Variants in FTO observed in about 807,000 individuals in gnomAD.
FTO encodes FTO alpha-ketoglutarate dependent dioxygenase, also known as alpha-ketoglutarate-dependent dioxygenase FTO.
In FTO, 47 loss-of-function variants were observed where a neutral mutation model predicts 63.9. The observed-to-expected ratio is 0.74, with a 90% CI of 0.58 to 0.94. The LOEUF (loss-of-function observed/expected upper bound fraction) is 0.94, where lower values mean the gene tolerates loss of function less well. Ranked by LOEUF, FTO falls within the 40% of genes least tolerant of loss-of-function variation. FTO has a pLI of 0.00. For synonymous variants in FTO, 207 were observed against 224.4 expected, an observed-to-expected ratio of 0.92 and a Z score of 0.69; for missense variants, 562 against 618.1, an observed-to-expected ratio of 0.91 and a Z score of 0.96.
At chr16:53,902,830 G>A (rs1419322799) in intron 7 of FTO, among the ~76,000 whole-genome samples, 1 of 152,192 alleles carries the variant, frequency 6.6e-6, no homozygotes, top group South Asian at 2.1e-4. Context: ...AGTTATCAAC[G>A]TGGCCGGGCA....
rs906646706 is a variant in FTO, at chr16:53,880,963, A to G, written c.1119+976A>G. Among the ~76,000 whole-genome samples the G allele has an allele frequency of 9.0e-4, 117 of 130,566 alleles. 2 individuals carry two copies. The highest frequency in any genetic ancestry group is 3.1e-4 in the Non-Finnish European group (19 of 60,676). The allele number at this position is 130,566 out of a possible 152,430, so 85.7% of individuals were successfully genotyped here. On this transcript the variant is annotated intron_variant, in intron 6 of 8. Coordinates refer to ENST00000471389, the MANE Select transcript of FTO (RefSeq NM_001080432.3). The stretch of plus-strand genomic sequence containing the variant: ...AAAAAAAAAAAAAAAAAAAAAAAAA[A>G]TACAAAAAATTAGCTGGGCATGGTG...
rs1203776934 is a variant in FTO at position 53,826,048 on chromosome 16, G to A, written c.308G>A (p.Gly103Asp). 1 of 1,614,080 alleles carries A rather than the reference G, an allele frequency of 6.2e-7. No homozygotes were observed. ...PVSRILIGNPGCTYKYLNTRL... is the reference protein window; with the variant it reads ...PVSRILIGNPDCTYKYLNTRL... ...TCTCGCATCCTCATTGGTAATCCAGGCTGCACCTACAAGTACCTGAACACC... is the reference window on the plus strand; with the variant it reads ...TCTCGCATCCTCATTGGTAATCCAGACTGCACCTACAAGTACCTGAACACC... Residue 103 changes from glycine (G) to aspartate (D), a missense_variant, in exon 3 of 9, where the codon GGC (glycine) becomes GAC (aspartate). Gly to Asp is a moderately conservative substitution (Grantham distance 94). Transcript: ENST00000471389.
intron 1 of FTO, among the ~76,000 whole-genome samples, chr16:53,792,151 A>G (rs2077939442): frequency 6.6e-6 from 1 of 152,236 alleles, no homozygotes; most frequent in South Asian, 2.1e-4. Context: ...AGAATGGATA[A>G]ATGGAAACAA....
intron 2 of FTO, among the ~76,000 whole-genome samples, chr16:53,825,466 A>C (rs1390540211): frequency 6.6e-6 from 1 of 152,242 alleles, no homozygotes; most frequent in Non-Finnish European, 1.5e-5. Flanking sequence ...AAATGAGCTA[A>C]TGCACACAAG....
rs137986509 is a variant in FTO, at chr16:53,710,477, C to T, written c.45+6248C>T. ...GATGGGTTTCACCATGTTGGCCAGC[C>T]TGATCTCGAACTCCTGACCTCGTGA... On this transcript the variant is annotated intron_variant, in intron 1 of 8. Transcript: ENST00000471389. 1.3e-4 allele frequency among the ~76,000 whole-genome samples: 20 copies of T among 152,122 alleles called. No homozygotes were observed. In the East Asian group the frequency reaches 3.9e-3, roughly 29 times the overall value.
chr16:53,871,943 T>A (rs2080510701), intron 4 of FTO, among the ~76,000 whole-genome samples: 1 of 152,098 alleles, frequency 6.6e-6, no homozygotes, highest in Admixed American at 6.5e-5. Flanking sequence ...GCCAGGCTGG[T>A]CTCGAACTCC....
At chr16:53,961,454 T>C (rs370070558) in intron 8 of FTO, among the ~76,000 whole-genome samples, 78 of 152,348 alleles carry the variant, frequency 5.1e-4, no homozygotes, top group African/African-American at 1.8e-3. Flanking sequence ...TTCTTTATGG[T>C]AATTGCTGTC....
At chr16:53,864,323 A>G (rs2080250683) in intron 4 of FTO, among the ~76,000 whole-genome samples, 1 of 152,190 alleles carries the variant, frequency 6.6e-6, no homozygotes, top group African/African-American at 2.4e-5. Flanking sequence ...AATGTACGTG[A>G]CAGCAAACCC....
At chr16:53,906,676 C>A (rs2081547729) in intron 7 of FTO, among the ~76,000 whole-genome samples, 1 of 152,096 alleles carries the variant, frequency 6.6e-6, no homozygotes, top group South Asian at 2.1e-4. Flanking sequence ...GGAGGATGGA[C>A]ATGAGAAAAG....
At position 53,954,192 on chromosome 16, in the gene FTO, T is replaced by G. The variant is rs1383534580; in HGVS notation, c.1364+20083T>G. On this transcript the variant is annotated intron_variant, in intron 8 of 8. Transcript: ENST00000471389. ...ACAAGGGGAAAAGGGGAAAGGTGGA[T>G]CTATTTAAGCACATCTCGAGAATGA... Among the ~76,000 whole-genome samples the G allele has an allele frequency of 4.6e-5, 7 of 152,214 alleles. No individual in the cohort carries two copies. The East Asian group carries it at 9.6e-4, about 21-fold the overall frequency.
chr16:53,797,069 C>T, intron 1 of FTO, among the ~76,000 whole-genome samples: 1 of 152,242 alleles, frequency 6.6e-6, no homozygotes, highest in South Asian at 2.1e-4. Flanking sequence ...CTCTCTCTTT[C>T]TCTCTCCCTT....
intron 7 of FTO, among the ~76,000 whole-genome samples, chr16:53,916,520 G>A (rs142294385): frequency 2.6e-5 from 4 of 152,308 alleles, no homozygotes; most frequent in Non-Finnish European, 5.9e-5. Flanking sequence ...TAGATGGTCC[G>A]TAAATCACGT....
intron 3 of FTO, among the ~76,000 whole-genome samples, chr16:53,828,449 C>T (rs1364738169): frequency 3.3e-5 from 5 of 152,062 alleles, no homozygotes; most frequent in African/African-American, 4.8e-5. Context: ...TCTCATGATC[C>T]GCCCACCTCG....
chr16:53,912,779 G>A (rs972007371), intron 7 of FTO, among the ~76,000 whole-genome samples: 8 of 152,206 alleles, frequency 5.3e-5, no homozygotes, highest in African/African-American at 1.9e-4. Flanking sequence ...TTCCTGGGTA[G>A]TGCTGGGATT....
chr16:54,066,024 A>G (rs1158597099), intron 8 of FTO, among the ~76,000 whole-genome samples: 1 of 152,214 alleles, frequency 6.6e-6, no homozygotes, highest in Non-Finnish European at 1.5e-5. Context: ...TAGACTAGCC[A>G]CTTTTGCACA....
In FTO at chr16:53,831,177, T is replaced by C. The variant is rs537078817; in HGVS notation, c.751+4686T>C. On this transcript the variant is annotated intron_variant, in intron 3 of 8. Coordinates refer to ENST00000471389, the MANE Select transcript of FTO (RefSeq NM_001080432.3). The stretch of plus-strand genomic sequence containing the variant: ...GAGACCATGAAAAGCTAGTTTATAA[T>C]TACAGCTTGGAGTTTTGGAGTATTC... Among the ~76,000 whole-genome samples, 5 of 152,352 alleles carry C rather than the reference T, an allele frequency of 3.3e-5. No individual in the cohort carries two copies. The South Asian group carries it at 1.0e-3, about 32-fold the overall frequency.
Position 53,826,073 on chromosome 16 carries a change from C to A in FTO, c.333C>A (p.Thr111=). The A allele has an allele frequency of 2.5e-6, 4 of 1,614,176 alleles. No individual in the cohort carries two copies. The South Asian group carries it at 4.4e-5, about 18-fold the overall frequency. ...GCTGCACCTACAAGTACCTGAACAC[C>A]AGGCTCTTTACGGTCCCCTGGCCAG... ...NPGCTYKYLN[T]RLFTVPWPVK... The change falls in exon 3 of 9, where the codon ACC becomes ACA. Residue 111 remains threonine (T), a synonymous_variant. Coordinates refer to ENST00000471389, the MANE Select transcript of FTO (RefSeq NM_001080432.3).
intron 8 of FTO, among the ~76,000 whole-genome samples, chr16:54,036,912 T>C (rs952088753): frequency 6.6e-6 from 1 of 152,214 alleles, no homozygotes; most frequent in African/African-American, 2.4e-5. Flanking sequence ...GGATACAGGA[T>C]AGCTCATTGA....
chr16:53,739,667 G>T (rs1446816718), intron 1 of FTO, among the ~76,000 whole-genome samples: 2 of 152,200 alleles, frequency 1.3e-5, no homozygotes, highest in Admixed American at 1.3e-4. Context: ...AAACACTAAA[G>T]TATGTTTGAT....
Sources: allele counts gnomAD v4.1 joint callset (sites outside exome capture counted in the v4.1 genomes callset), GRCh38; gene constraint gnomAD v4.1.1; transcripts MANE v1.5; gene names NCBI Gene and HGNC (gene_info 2026-07-23, HGNC 2026-07-21).